GRID1: variants seen among roughly 807,000 people sequenced by gnomAD.
GRID1 encodes glutamate ionotropic receptor delta type subunit 1, also known as glutamate receptor ionotropic, delta-1.
Under a neutral mutation model 98.0 loss-of-function variants are expected in GRID1, and 28 were observed. That is an observed-to-expected ratio of 0.29 (90% CI 0.21 to 0.39). The LOEUF (loss-of-function observed/expected upper bound fraction) is 0.39, where lower values mean the gene tolerates loss of function less well. Ranked by LOEUF, GRID1 falls within the 10% of genes least tolerant of loss-of-function variation. GRID1 has a pLI of 1.00. For synonymous variants in GRID1, 553 were observed against 538.5 expected, an observed-to-expected ratio of 1.03 and a Z score of -0.37; for missense variants, 1,111 against 1,340.5, an observed-to-expected ratio of 0.83 and a Z score of 2.67.
At chr10:85,721,153 C>T (rs1841698375) in intron 12 of GRID1, among the ~76,000 whole-genome samples, 1 of 152,172 alleles carries the variant, frequency 6.6e-6, no homozygotes, top group Non-Finnish European at 1.5e-5. Flanking sequence ...AGTATGACTC[C>T]ACACCTATCA....
At chr10:86,109,971 C>CTTTTTTT (rs56917207) in intron 4 of GRID1, among the ~76,000 whole-genome samples, 23 of 121,028 alleles carry the variant, frequency 1.9e-4, no homozygotes, top group African/African-American at 6.5e-4. Context: ...CTCTGCCATT[C>CTTTTTTT]TTTTTTTTTT....
intron 8 of GRID1, among the ~76,000 whole-genome samples, chr10:85,798,937 C>A (rs953440806): frequency 6.6e-6 from 1 of 151,978 alleles, no homozygotes; most frequent in Non-Finnish European, 1.5e-5. Context: ...AGACCAATGT[C>A]ATGAAGTGTT....
intron 4 of GRID1, among the ~76,000 whole-genome samples, chr10:86,056,255 C>T (rs1843570714): frequency 6.6e-6 from 1 of 152,186 alleles, no homozygotes; most frequent in Non-Finnish European, 1.5e-5. Context: ...CTCCAACTTC[C>T]TGGTTCTATA....
At chr10:86,175,739 C>T (rs1185992719) in intron 3 of GRID1, among the ~76,000 whole-genome samples, 2 of 151,254 alleles carry the variant, frequency 1.3e-5, no homozygotes, top group African/African-American at 2.4e-5. Context: ...GACAGAGTTT[C>T]ACTCTTGTTG....
chr10:85,629,328 C>T (rs1842947177), intron 13 of GRID1, among the ~76,000 whole-genome samples: 2 of 152,146 alleles, frequency 1.3e-5, no homozygotes, highest in South Asian at 2.1e-4. Flanking sequence ...GTAACCATCA[C>T]CCAAACAGCC....
chr10:86,011,953 C>G (rs1242873732), intron 4 of GRID1, among the ~76,000 whole-genome samples: 2 of 152,034 alleles, frequency 1.3e-5, no homozygotes, highest in Non-Finnish European at 2.9e-5. Flanking sequence ...AGGTCAGGAG[C>G]TCAAGACCAG....
At chr10:85,957,529 A>C (rs1842210661) in intron 4 of GRID1, among the ~76,000 whole-genome samples, 1 of 152,242 alleles carries the variant, frequency 6.6e-6, no homozygotes, top group African/African-American at 2.4e-5. Context: ...CAGACTACAC[A>C]TAAGGGCAAG....
intron 2 of GRID1, among the ~76,000 whole-genome samples, chr10:86,216,508 T>G (rs191131929): frequency 5.3e-5 from 8 of 152,302 alleles, no homozygotes; most frequent in African/African-American, 1.9e-4. Context: ...GAAAAGATCT[T>G]GGAATATGGG....
chr10:86,161,366 G>C (rs1238447796), intron 3 of GRID1, among the ~76,000 whole-genome samples: 1 of 152,106 alleles, frequency 6.6e-6, no homozygotes, highest in Non-Finnish European at 1.5e-5. Context: ...CTCAGCCTGA[G>C]AAGCTGAGTC....
intron 6 of GRID1, among the ~76,000 whole-genome samples, chr10:85,866,023 A>T (rs1843218220): frequency 7.0e-6 from 1 of 143,154 alleles, no homozygotes; most frequent in Non-Finnish European, 1.5e-5. Context: ...TTTAACTTGT[A>T]CTGAGACCTG....
At chr10:86,236,975 A>C (rs1243612321) in intron 2 of GRID1, among the ~76,000 whole-genome samples, 3 of 151,930 alleles carry the variant, frequency 2.0e-5, no homozygotes, top group African/African-American at 7.3e-5. Context: ...GGTGAGATAC[A>C]CTCAGGAAGA....
intron 13 of GRID1, among the ~76,000 whole-genome samples, chr10:85,638,720 G>A (rs1398782956): frequency 2.0e-5 from 3 of 152,046 alleles, no homozygotes; most frequent in African/African-American, 7.2e-5. Context: ...ATAAATTAAT[G>A]AATATAAATC....
chr10:85,746,613 G>A (rs1302082309), intron 8 of GRID1, among the ~76,000 whole-genome samples: 1 of 152,106 alleles, frequency 6.6e-6, no homozygotes, highest in Non-Finnish European at 1.5e-5. Context: ...AACAGCTTGA[G>A]ATCAGCATGC....
At chr10:86,212,257 C>T (rs1309635658) in intron 2 of GRID1, among the ~76,000 whole-genome samples, 1 of 152,200 alleles carries the variant, frequency 6.6e-6, no homozygotes, top group East Asian at 1.9e-4. Context: ...GCCCTGGAGG[C>T]ATCGCTCCGC....
At chr10:85,778,512 T>C (rs1010066858) in intron 8 of GRID1, among the ~76,000 whole-genome samples, 1 of 152,152 alleles carries the variant, frequency 6.6e-6, no homozygotes, top group Non-Finnish European at 1.5e-5. Context: ...GATAGTGTGA[T>C]AAGCAAAAAG....
chr10:85,805,996 A>T (rs1842620298), intron 8 of GRID1, among the ~76,000 whole-genome samples: 3 of 148,258 alleles, frequency 2.0e-5, no homozygotes, highest in Non-Finnish European at 3.0e-5. Flanking sequence ...TCATGCTTTA[A>T]AAAAAAAAAA....
chr10:86,157,861 T>A (rs545427558), intron 3 of GRID1, among the ~76,000 whole-genome samples: 1 of 152,168 alleles, frequency 6.6e-6, no homozygotes, highest in Non-Finnish European at 1.5e-5. Context: ...ATATAGGAGA[T>A]AGTAGCCTCC....
At chr10:85,871,808 A>G (rs1843280998) in intron 5 of GRID1, among the ~76,000 whole-genome samples, 1 of 152,208 alleles carries the variant, frequency 6.6e-6, no homozygotes, top group Non-Finnish European at 1.5e-5. Flanking sequence ...GTAAAATATT[A>G]AGGATTGTAT....
At chr10:85,702,733 A>G (rs534070451) in intron 12 of GRID1, among the ~76,000 whole-genome samples, 1 of 151,938 alleles carries the variant, frequency 6.6e-6, no homozygotes, top group South Asian at 2.1e-4. Flanking sequence ...GGAGAACAAA[A>G]AGAGAAGAAG....
Sources: gnomAD v4.1 joint callset for allele counts (sites outside exome capture counted in the v4.1 genomes callset) on GRCh38, gnomAD v4.1.1 for gene constraint, MANE v1.5 for transcripts, NCBI Gene and HGNC (gene_info 2026-07-23, HGNC 2026-07-21) for gene names.